Variants in LRFN5 observed in about 807,000 individuals in gnomAD.
LRFN5 encodes the protein leucine-rich repeat and fibronectin type-III domain-containing protein 5.
In LRFN5, 24 loss-of-function variants were observed where a neutral mutation model predicts 45.6. The observed-to-expected ratio is 0.53, with a 90% CI of 0.38 to 0.74. The LOEUF is 0.74. LRFN5 is among the 30% of genes least tolerant of loss of function. LRFN5 has a pLI of 0.00. For synonymous variants in LRFN5, 340 were observed against 313.8 expected, an observed-to-expected ratio of 1.08 and a Z score of -0.88; for missense variants, 776 against 861.5, an observed-to-expected ratio of 0.90 and a Z score of 1.24.
intron 1 of LRFN5, among the ~76,000 whole-genome samples, chr14:41,613,493 CA>C: frequency 6.6e-6 from 1 of 151,832 alleles, no homozygotes; most frequent in East Asian, 1.9e-4. Context: ...ACTGTTCTTG[CA>C]TTTTTTTTTG....
chr14:41,698,454 A>G (rs894190231), intron 1 of LRFN5, among the ~76,000 whole-genome samples: 3 of 152,048 alleles, frequency 2.0e-5, no homozygotes, highest in African/African-American at 7.2e-5. Flanking sequence ...CCTTATTTGC[A>G]TATTAGTATC....
rs60855395 is a variant in LRFN5 at position 41,734,316 on chromosome 14, TTATATATATATATA to T, written c.-196-32522_-196-32509del. Among the ~76,000 whole-genome samples, 33 of 38,798 alleles carry T rather than the reference TTATATATATATATA, an allele frequency of 8.5e-4. 3 individuals are homozygous for T. The highest frequency in any genetic ancestry group is 5.3e-3 in the East Asian group (2 of 374). The allele number at this position is 38,798 out of a possible 152,430, so 25.5% of individuals were successfully genotyped here. On this transcript the variant is annotated intron_variant, in intron 1 of 5. Transcript: ENST00000298119. ...GTGAGCCACCTTTCCTGGACTGGTT[TTATATATATATATA>T]TATATATATATATATTTAAATTTGC...
chr14:41,902,724 T>C (rs1316694198), intron 5 of LRFN5, among the ~76,000 whole-genome samples: 1 of 151,834 alleles, frequency 6.6e-6, no homozygotes, highest in Non-Finnish European at 1.5e-5. Context: ...TTGTCCACTG[T>C]CATTTTCCTT....
chr14:41,884,263 C>T (rs997879908), intron 2 of LRFN5, among the ~76,000 whole-genome samples: 14 of 152,174 alleles, frequency 9.2e-5, no homozygotes, highest in African/African-American at 3.4e-4. Context: ...TTATTCACTT[C>T]CAATGTCCAA....
chr14:41,796,194 C>T (rs1887124532), intron 2 of LRFN5, among the ~76,000 whole-genome samples: 1 of 151,728 alleles, frequency 6.6e-6, no homozygotes, highest in Admixed American at 6.6e-5. Flanking sequence ...TTCTAATCAC[C>T]TCTTAAAGAT....
intron 2 of LRFN5, among the ~76,000 whole-genome samples, chr14:41,804,880 C>T (rs2138976753): frequency 6.6e-6 from 1 of 152,140 alleles, no homozygotes; most frequent in South Asian, 2.1e-4. Flanking sequence ...ACCTCTAATA[C>T]CAATAAACCT....
intron 5 of LRFN5, among the ~76,000 whole-genome samples, chr14:41,902,572 TAC>T (rs1891134517): frequency 6.6e-6 from 1 of 151,904 alleles, no homozygotes; most frequent in Non-Finnish European, 1.5e-5. Context: ...ACCATAATTT[TAC>T]AGTTTGTTAA....
At chr14:41,863,910 A>C (rs1486240419) in intron 2 of LRFN5, among the ~76,000 whole-genome samples, 1 of 146,534 alleles carries the variant, frequency 6.8e-6, no homozygotes, top group Non-Finnish European at 1.5e-5. Flanking sequence ...TTCAACTCCC[A>C]CTTATGAGTG....
At chr14:41,776,980 A>C (rs1303757125) in intron 2 of LRFN5, among the ~76,000 whole-genome samples, 1 of 152,006 alleles carries the variant, frequency 6.6e-6, no homozygotes, top group Non-Finnish European at 1.5e-5. Context: ...TTGAATTGGA[A>C]TTCTAGCACT....
At chr14:41,709,330 T>C (rs960403701) in intron 1 of LRFN5, among the ~76,000 whole-genome samples, 2 of 152,032 alleles carry the variant, frequency 1.3e-5, no homozygotes, top group Non-Finnish European at 2.9e-5. Context: ...AAGACTTCCT[T>C]GCTTATATGG....
intron 2 of LRFN5, among the ~76,000 whole-genome samples, chr14:41,773,939 G>A (rs1886184111): frequency 2.6e-5 from 4 of 152,142 alleles, no homozygotes; most frequent in Admixed American, 2.0e-4. Flanking sequence ...AGCTACAAAT[G>A]TCTTAGCTGG....
intron 2 of LRFN5, among the ~76,000 whole-genome samples, chr14:41,783,299 T>G (rs2138924250): frequency 6.6e-6 from 1 of 152,240 alleles, no homozygotes; most frequent in South Asian, 2.1e-4. Context: ...AAAATTTCAA[T>G]GTAAATATTC....
At chr14:41,722,570 T>A (rs1299910936) in intron 1 of LRFN5, among the ~76,000 whole-genome samples, 1 of 151,822 alleles carries the variant, frequency 6.6e-6, no homozygotes, top group African/African-American at 2.4e-5. Context: ...ACGGTGTTTT[T>A]TTTTTTTCTT....
chr14:41,731,838 A>G (rs1884192329), intron 1 of LRFN5: 1 of 152,204 alleles, frequency 6.6e-6, no homozygotes, highest in South Asian at 2.1e-4. Flanking sequence ...GATATTCCAA[A>G]TTGGTGGTGC....
Position 41,770,660 on chromosome 14 carries a change from G to C in LRFN5, c.-21+3631G>C, listed in dbSNP as rs117408409. On this transcript the variant is annotated intron_variant, in intron 2 of 5. Transcript: ENST00000298119. ...GGATGGGCCCCCAAGGACTTGGGTA[G>C]CCCTGTGCCTGTGGCTTTGCAGGAC... is the stretch of plus-strand genomic sequence containing the variant. 9.7e-3 allele frequency among the ~76,000 whole-genome samples: 1,473 copies of C among 152,294 alleles called. 10 individuals carry two copies. The highest frequency in any genetic ancestry group is 0.014 in the Non-Finnish European group (943 of 68,032).
At chr14:41,610,664 A>AAAAAAAAAAAC (rs1887715667) in intron 1 of LRFN5, among the ~76,000 whole-genome samples, 3 of 133,240 alleles carry the variant, frequency 2.3e-5, no homozygotes, top group Non-Finnish European at 4.6e-5. Flanking sequence ...GGGAAGGTAA[A>AAAAAAAAAAAC]AAAAAAAAAA....
chr14:41,878,323 G>T (rs1257390683), intron 2 of LRFN5, among the ~76,000 whole-genome samples: 1 of 152,096 alleles, frequency 6.6e-6, no homozygotes, highest in East Asian at 1.9e-4. Context: ...CTGAATGATG[G>T]CAAAGTAGCT....
intron 2 of LRFN5, among the ~76,000 whole-genome samples, chr14:41,876,526 G>A (rs1890196467): frequency 6.7e-6 from 1 of 149,670 alleles, no homozygotes; most frequent in African/African-American, 2.5e-5. Flanking sequence ...TCAATCTCCT[G>A]ACCTCGTGAT....
chr14:41,627,198 T>C (rs1888363791), intron 1 of LRFN5, among the ~76,000 whole-genome samples: 1 of 145,728 alleles, frequency 6.9e-6, no homozygotes, highest in Non-Finnish European at 1.5e-5. Flanking sequence ...AATTTAGTGG[T>C]TTTTATTATA....
Sources: gnomAD v4.1 joint callset for allele counts (sites outside exome capture counted in the v4.1 genomes callset) on GRCh38, gnomAD v4.1.1 for gene constraint, MANE v1.5 for transcripts, NCBI Gene and HGNC (gene_info 2026-07-23, HGNC 2026-07-21) for gene names.